Variants in LUZP2 observed in about 807,000 individuals in gnomAD.
The protein encoded by LUZP2 is leucine zipper protein 2.
LUZP2 carries 52 observed loss-of-function variants against 51.6 expected under a neutral mutation model. That is an observed-to-expected ratio of 1.01 (90% CI 0.81 to 1.27). The LOEUF is 1.27. Among genes scored for constraint, LUZP2 ranks in the 50% most tolerant of loss-of-function variants. LUZP2 has a pLI of 0.00. For synonymous variants in LUZP2, 154 were observed against 137.3 expected (o/e 1.12, Z -0.85); for missense variants, 436 against 395.4 (o/e 1.10, Z -0.87).
intron 9 of LUZP2, among the ~76,000 whole-genome samples, chr11:25,008,412 AG>A (rs1430502217): frequency 6.6e-6 from 1 of 152,172 alleles, no homozygotes; most frequent in Admixed American, 6.5e-5. Flanking sequence ...ATGGGATGGC[AG>A]GGGGAATTGA....
intron 5 of LUZP2, among the ~76,000 whole-genome samples, chr11:24,847,152 T>C (rs1008688377): frequency 1.3e-5 from 2 of 152,020 alleles, no homozygotes; most frequent in African/African-American, 2.4e-5. Flanking sequence ...TCTTTAAAAC[T>C]GGGATACATA....
intron 9 of LUZP2, among the ~76,000 whole-genome samples, chr11:25,011,826 A>G (rs1856992881): frequency 6.6e-6 from 1 of 151,932 alleles, no homozygotes; most frequent in Admixed American, 6.6e-5. Context: ...TTTATTATTT[A>G]TATCTGTTGG....
intron 10 of LUZP2, among the ~76,000 whole-genome samples, chr11:25,073,886 C>T (rs751936900): frequency 1.3e-5 from 2 of 152,082 alleles, no homozygotes; most frequent in African/African-American, 4.8e-5. Flanking sequence ...TGCTGAATAC[C>T]TGTTTATGTT....
intron 8 of LUZP2, among the ~76,000 whole-genome samples, chr11:24,981,191 T>C (rs1856017380): frequency 4.0e-5 from 6 of 151,738 alleles, no homozygotes. Flanking sequence ...AAGCCAAACC[T>C]GAGTAGTATG....
intron 1 of LUZP2, among the ~76,000 whole-genome samples, chr11:24,668,251 C>A (rs1294508337): frequency 6.6e-6 from 1 of 152,168 alleles, no homozygotes; most frequent in Non-Finnish European, 1.5e-5. Context: ...ATAAAACAAA[C>A]TAATCTCCAA....
intron 1 of LUZP2, among the ~76,000 whole-genome samples, chr11:24,685,313 T>C (rs1381914691): frequency 4.6e-5 from 7 of 152,168 alleles, no homozygotes; most frequent in South Asian, 4.1e-4. Context: ...TCTAGGGGCA[T>C]GGCAAGTGAC....
intron 1 of LUZP2, among the ~76,000 whole-genome samples, chr11:24,693,950 C>A (rs891208152): frequency 6.6e-6 from 1 of 151,766 alleles, no homozygotes. Context: ...TAATAATAAC[C>A]CAAATATATT....
At chr11:25,040,343 A>ATTTTGTTTTTTTTTTTTTTTTTT (rs1858012062) in intron 9 of LUZP2, among the ~76,000 whole-genome samples, 1 of 98,828 alleles carries the variant, frequency 1.0e-5, no homozygotes, top group African/African-American at 5.8e-5. Flanking sequence ...TTTCTTTCCG[A>ATTTTGTTTTTTTTTTTTTTTTTT]TTTTTTTTTT....
intron 9 of LUZP2, among the ~76,000 whole-genome samples, chr11:25,042,796 G>C (rs1858113953): frequency 6.6e-6 from 1 of 152,058 alleles, no homozygotes; most frequent in South Asian, 2.1e-4. Context: ...GTTTCTGTGT[G>C]AAATCTCCCT....
chr11:24,669,533 T>C (rs1393392032), intron 1 of LUZP2, among the ~76,000 whole-genome samples: 1 of 152,128 alleles, frequency 6.6e-6, no homozygotes, highest in Admixed American at 6.6e-5. Context: ...CCAATGAATC[T>C]TTTCTATTTT....
At chr11:25,049,386 G>A (rs1858420383) in intron 9 of LUZP2, among the ~76,000 whole-genome samples, 1 of 152,068 alleles carries the variant, frequency 6.6e-6, no homozygotes, top group South Asian at 2.1e-4. Flanking sequence ...TACCTATAGC[G>A]GTATTTCTAT....
chr11:24,512,236 TAGC>T (rs1190092357), intron 1 of LUZP2, among the ~76,000 whole-genome samples: 3 of 151,978 alleles, frequency 2.0e-5, no homozygotes, highest in Non-Finnish European at 4.4e-5. Context: ...AAAAAACAAA[TAGC>T]GGTGGTGGTA....
chr11:24,716,691 G>A (rs1365654634), intron 1 of LUZP2, among the ~76,000 whole-genome samples: 1 of 152,152 alleles, frequency 6.6e-6, no homozygotes, highest in African/African-American at 2.4e-5. Context: ...GAGGTCAAGA[G>A]TTCGAGACCA....
At chr11:24,719,052 A>T (rs574465192) in intron 1 of LUZP2, among the ~76,000 whole-genome samples, 1 of 152,200 alleles carries the variant, frequency 6.6e-6, no homozygotes, top group African/African-American at 2.4e-5. Flanking sequence ...AATGAAGGAG[A>T]CAGATTCAAG....
At chr11:24,545,295 A>AT (rs1851504827) in intron 1 of LUZP2, among the ~76,000 whole-genome samples, 1 of 151,958 alleles carries the variant, frequency 6.6e-6, no homozygotes, top group Admixed American at 6.6e-5. Flanking sequence ...TCATTTGTCA[A>AT]TTTTTGCTTT....
At chr11:24,605,968 T>TG (rs1245066997) in intron 1 of LUZP2, among the ~76,000 whole-genome samples, 1 of 151,940 alleles carries the variant, frequency 6.6e-6, no homozygotes, top group African/African-American at 2.4e-5. Context: ...AGTCTTTATA[T>TG]GTCTGACTTA....
intron 5 of LUZP2, among the ~76,000 whole-genome samples, chr11:24,767,957 T>A (rs1171926867): frequency 2.2e-5 from 3 of 138,936 alleles, no homozygotes; most frequent in Admixed American, 1.5e-4. Flanking sequence ...AAACACCCTT[T>A]CTATAGTATC....
chr11:24,634,931 C>A (rs2136479), intron 1 of LUZP2, among the ~76,000 whole-genome samples: 18,141 of 152,080 alleles, frequency 0.12, 1,359 homozygotes, highest in East Asian at 0.28. Flanking sequence ...GAGATGAACA[C>A]ACTTGTTACT....
intron 7 of LUZP2, among the ~76,000 whole-genome samples, chr11:24,975,769 C>T (rs548583051): frequency 1.2e-4 from 18 of 152,084 alleles, no homozygotes; most frequent in Non-Finnish European, 2.4e-4. Flanking sequence ...TCTGAAGGTA[C>T]TGCTTTTTTA....
Sources: gnomAD v4.1 joint callset for allele counts (sites outside exome capture counted in the v4.1 genomes callset) on GRCh38, gnomAD v4.1.1 for gene constraint, MANE v1.5 for transcripts, NCBI Gene and HGNC (gene_info 2026-07-23, HGNC 2026-07-21) for gene names.